DNAH11: variants seen among roughly 807,000 people sequenced by gnomAD.
DNAH11 encodes the protein axonemal beta dynein heavy chain 11.
In DNAH11, 442 loss-of-function variants were observed where a neutral mutation model predicts 526.0. The ratio of observed to expected loss-of-function variants is 0.84; its 90% CI spans 0.78 to 0.91. The LOEUF is 0.91. DNAH11 is among the 40% of genes least tolerant of loss of function. The pLI, the probability that DNAH11 is intolerant of heterozygous loss-of-function variation, is 0.00. For missense variants in DNAH11, 6,989 were observed against 5,448.7 expected (o/e 1.28, Z -8.90); for synonymous variants, 2,461 against 1,935.9 (o/e 1.27, Z -7.12).
Position 21,606,473 on chromosome 7 carries a change from C to T in DNAH11, c.3696C>T (p.Val1232=). Residue 1232 remains valine (V), a synonymous_variant, in exon 19 of 82, where the codon GTC becomes GTT. Transcript: ENST00000409508. ...WETTKKIAAT[V]RHEVSPLHNA... ...CTACCAAAAAGATCGCAGCAACTGT[C>T]AGACATGAAGTCTCACCTCTCCATA... 6.2e-7 allele frequency: 1 copy of T among 1,608,814 alleles called. No homozygotes were observed. Among genetic ancestry groups the T allele is most frequent in the South Asian group, 1.1e-5 (1 of 88,538 alleles).
chr7:21,812,528 C>G (rs1789574504), intron 63 of DNAH11, among the ~76,000 whole-genome samples: 1 of 151,864 alleles, frequency 6.6e-6, no homozygotes, highest in South Asian at 2.1e-4. Context: ...TTTTTTAAAC[C>G]CAGCCAGGTG....
chr7:21,782,397 T>C (rs79389131), intron 57 of DNAH11, among the ~76,000 whole-genome samples: 1,655 of 152,334 alleles, frequency 0.011, 33 homozygotes, highest in African/African-American at 0.037. Flanking sequence ...AACAGCTTAC[T>C]GAGATATACA....
At chr7:21,624,382 G>C (rs1405870664) in intron 25 of DNAH11, among the ~76,000 whole-genome samples, 2 of 152,244 alleles carry the variant, frequency 1.3e-5, no homozygotes, top group Non-Finnish European at 1.5e-5. Flanking sequence ...TAGTATAAAA[G>C]AATGCTGATT....
intron 18 of DNAH11, among the ~76,000 whole-genome samples, chr7:21,602,733 A>G (rs1785141016): frequency 1.3e-5 from 2 of 152,172 alleles, no homozygotes; most frequent in African/African-American, 4.8e-5. Context: ...CAAGTACTGT[A>G]TGAGTTCATC....
intron 65 of DNAH11, among the ~76,000 whole-genome samples, chr7:21,840,004 T>A (rs1782144567): frequency 6.6e-6 from 1 of 152,236 alleles, no homozygotes; most frequent in South Asian, 2.1e-4. Flanking sequence ...ACCAGTTGTC[T>A]CATTAAAAAT....
At chr7:21,671,532 ATTTTTTTTCTC>A (rs1365222285) in intron 30 of DNAH11, among the ~76,000 whole-genome samples, 2 of 150,998 alleles carry the variant, frequency 1.3e-5, no homozygotes, top group Non-Finnish European at 3.0e-5. Flanking sequence ...TTCGTAATTT[ATTTTTTTTCTC>A]TTTTTTTTCT....
intron 75 of DNAH11, among the ~76,000 whole-genome samples, chr7:21,882,096 A>G (rs7785658): frequency 0.013 from 1,982 of 152,268 alleles, 40 homozygotes; most frequent in African/African-American, 0.045. Flanking sequence ...ACTTTTATTC[A>G]TGTCCTTCAT....
At chr7:21,545,812 CTTTG>C (rs1000678480) in intron 2 of DNAH11, among the ~76,000 whole-genome samples, 6 of 152,164 alleles carry the variant, frequency 3.9e-5, no homozygotes, top group Non-Finnish European at 7.3e-5. Flanking sequence ...TGCTGATGCT[CTTTG>C]TTTGTGGACT....
At chr7:21,617,364 T>G (rs540615826) in intron 22 of DNAH11, among the ~76,000 whole-genome samples, 90 of 152,242 alleles carry the variant, frequency 5.9e-4, no homozygotes, top group Non-Finnish European at 7.5e-4. Flanking sequence ...TACCTGTGTT[T>G]CCTCATGGGA....
At chr7:21,713,667 T>C (rs138581009) in intron 42 of DNAH11, among the ~76,000 whole-genome samples, 3 of 152,272 alleles carry the variant, frequency 2.0e-5, no homozygotes, top group African/African-American at 7.2e-5. Context: ...GATTTAGGGA[T>C]GACATTGGTT....
At position 21,782,907 on chromosome 7, in the gene DNAH11, C is replaced by CA. The variant is rs747285978; in HGVS notation, c.9484-1505dup. ...CCTGGGTGACAGAACGAAACTGTCT[C>CA]AAAAAAAAAAAAAAAGAAAGAAAGA... On this transcript the variant is annotated intron_variant, in intron 57 of 81. Coordinates refer to ENST00000409508, the MANE Select transcript of DNAH11 (RefSeq NM_001277115.2). Among the ~76,000 whole-genome samples, 356 of 64,450 alleles carry CA rather than the reference C, an allele frequency of 5.5e-3. 1 individual carries two copies. Among genetic ancestry groups the CA allele is most frequent in the Middle Eastern group, 0.02 (2 of 100 alleles). The allele number at this position is 64,450 out of a possible 152,430, so 42.3% of individuals were successfully genotyped here.
chr7:21,588,676 G>T, intron 11 of DNAH11, 40 bp downstream of exon 11: 1 of 1,599,866 alleles, frequency 6.3e-7, no homozygotes, highest in Non-Finnish European at 8.6e-7. Flanking sequence ...TTATTCTAAT[G>T]GTACGGGTGA....
chr7:21,735,927 C>T, intron 46 of DNAH11, 83 bp downstream of exon 46: 2 of 1,268,472 alleles, frequency 1.6e-6, no homozygotes, highest in Non-Finnish European at 1.1e-6. Flanking sequence ...ACTAATAATG[C>T]CTTTCCCTAG....
At position 21,861,201 on chromosome 7, in the gene DNAH11, C is replaced by G. The variant is rs142670041; in HGVS notation, c.11203-652C>G. Among the ~76,000 whole-genome samples the G allele has an allele frequency of 5.3e-5, 8 of 152,304 alleles. No homozygotes were observed. In the East Asian group the frequency reaches 1.5e-3, roughly 29 times the overall value. Reference sequence around the variant, plus strand: ...TAATGGGTACAGAGCTTCAGTTTTGCAACATGAAAAAGCTCTGGCATCCTA... The same window carrying G: ...TAATGGGTACAGAGCTTCAGTTTTGGAACATGAAAAAGCTCTGGCATCCTA... On this transcript the variant is annotated intron_variant, in intron 68 of 81. Transcript: ENST00000409508.
chr7:21,549,570 C>G (rs1782942776), intron 2 of DNAH11, among the ~76,000 whole-genome samples: 1 of 152,076 alleles, frequency 6.6e-6, no homozygotes, highest in Non-Finnish European at 1.5e-5. Flanking sequence ...TTTGCACCAA[C>G]CCATATAACC....
At chr7:21,700,923 C>T (rs1343830633) in intron 36 of DNAH11, among the ~76,000 whole-genome samples, 1 of 152,044 alleles carries the variant, frequency 6.6e-6, no homozygotes, top group East Asian at 1.9e-4. Flanking sequence ...AACATATGGG[C>T]ACAAGGAGGG....
intron 74 of DNAH11, among the ~76,000 whole-genome samples, chr7:21,873,784 C>CTTTTTT (rs57333575): frequency 0.14 from 10,095 of 70,694 alleles, 2,640 homozygotes; most frequent in Middle Eastern, 0.23. Context: ...GAGGAGGTTG[C>CTTTTTT]TTTTTTTTTT....
Position 21,545,034 on chromosome 7 carries a change from T to A in DNAH11, c.380T>A (p.Val127Asp). ...CCAAGAGATGCAAACCATAAACTTG[T>A]TTTTATTTCCAAGAAGATTACTGAA... ...EIPRDANHKL[V>D]FISKKITESI... The change falls in exon 2 of 82, where the codon GTT (valine) becomes GAT (aspartate). Residue 127 changes from valine (V) to aspartate (D), a missense_variant. Physicochemically the swap from Val to Asp is radical, Grantham distance 152 (BLOSUM62 -3). Coordinates refer to ENST00000409508, the MANE Select transcript of DNAH11 (RefSeq NM_001277115.2). 1 of 1,595,060 alleles carries A rather than the reference T, an allele frequency of 6.3e-7. No individual in the cohort carries two copies.
At chr7:21,658,164 A>G (rs1257589044) in intron 29 of DNAH11, among the ~76,000 whole-genome samples, 2 of 152,084 alleles carry the variant, frequency 1.3e-5, no homozygotes, top group Non-Finnish European at 2.9e-5. Context: ...ATTTTTTAAA[A>G]AAAAAAAGAT....
Sources: allele counts gnomAD v4.1 joint callset (sites outside exome capture counted in the v4.1 genomes callset), GRCh38; gene constraint gnomAD v4.1.1; transcripts MANE v1.5; gene names NCBI Gene and HGNC (gene_info 2026-07-23, HGNC 2026-07-21).